The following CSGALNACT2 variants were observed in gnomAD, a reference collection of about 807,000 sequenced individuals.
CSGALNACT2 encodes the protein chondroitin sulfate N-acetylgalactosaminyltransferase 2.
In CSGALNACT2, 35 loss-of-function variants were observed where a neutral mutation model predicts 55.3. That is an observed-to-expected ratio of 0.63 (90% CI 0.48 to 0.84). The LOEUF (loss-of-function observed/expected upper bound fraction) is 0.84, where lower values mean the gene tolerates loss of function less well. CSGALNACT2 is among the 40% of genes least tolerant of loss of function. The pLI, the probability that CSGALNACT2 is intolerant of heterozygous loss-of-function variation, is 0.00. For synonymous variants in CSGALNACT2, 196 were observed against 224.9 expected, an observed-to-expected ratio of 0.87 and a Z score of 1.15; for missense variants, 544 against 657.5, an observed-to-expected ratio of 0.83 and a Z score of 1.89.
chr10:43,154,647 A>G (rs1426838702), intron 1 of CSGALNACT2, among the ~76,000 whole-genome samples: 2 of 152,134 alleles, frequency 1.3e-5, no homozygotes, highest in Non-Finnish European at 2.9e-5. Context: ...GGATCACTTG[A>G]ACCCAGGAGG....
chr10:43,173,495 ACTTTC>A (rs1839421449), intron 6 of CSGALNACT2, among the ~76,000 whole-genome samples: 1 of 152,206 alleles, frequency 6.6e-6, no homozygotes, highest in Non-Finnish European at 1.5e-5. Context: ...GTTTCCTTCT[ACTTTC>A]CTTTGTGAAA....
chr10:43,151,611 C>T (rs1838875736), intron 1 of CSGALNACT2, among the ~76,000 whole-genome samples: 1 of 152,120 alleles, frequency 6.6e-6, no homozygotes, highest in Non-Finnish European at 1.5e-5. Context: ...AGTGCTCTGC[C>T]AAATACCCAT....
intron 1 of CSGALNACT2, among the ~76,000 whole-genome samples, chr10:43,144,940 T>C (rs1838711081): frequency 6.6e-6 from 1 of 152,168 alleles, no homozygotes; most frequent in African/African-American, 2.4e-5. Context: ...TTACTCAGAG[T>C]AATTGTTGAT....
chr10:43,161,536 A>G (rs911609466), intron 4 of CSGALNACT2, among the ~76,000 whole-genome samples: 2 of 152,144 alleles, frequency 1.3e-5, no homozygotes, highest in African/African-American at 2.4e-5. Flanking sequence ...TTCCAGGTAC[A>G]CTGCTTGGGA....
chr10:43,171,183 G>A (rs1264412737), intron 6 of CSGALNACT2, among the ~76,000 whole-genome samples: 1 of 152,140 alleles, frequency 6.6e-6, no homozygotes, highest in Non-Finnish European at 1.5e-5. Context: ...ATTAGGGGAA[G>A]CTAAAACTGG....
chr10:43,141,414 A>G (rs183060485), intron 1 of CSGALNACT2, among the ~76,000 whole-genome samples: 6,641 of 151,266 alleles, frequency 0.044, 180 homozygotes, highest in South Asian at 0.089. Flanking sequence ...GACGGGTTTC[A>G]CCATGTTAGC....
At chr10:43,143,353 C>T (rs78281193) in intron 1 of CSGALNACT2, among the ~76,000 whole-genome samples, 2 of 152,094 alleles carry the variant, frequency 1.3e-5, no homozygotes, top group African/African-American at 4.8e-5. Context: ...TTTGCTGTTA[C>T]GTGTAACACT....
rs77001071 is a variant in CSGALNACT2, at chr10:43,148,250, A to G, written c.-253-6647A>G. On this transcript the variant is annotated intron_variant, in intron 1 of 7. Coordinates refer to ENST00000374466, the MANE Select transcript of CSGALNACT2 (RefSeq NM_018590.5). ...GGCTTTAAGTTCCATTCCATTGACTATATGTCTATTTCTATGCCATACCAC... is the reference window on the plus strand; with the variant it reads ...GGCTTTAAGTTCCATTCCATTGACTGTATGTCTATTTCTATGCCATACCAC... 8.4e-3 allele frequency among the ~76,000 whole-genome samples: 1,286 copies of G among 152,302 alleles called. 53 individuals carry two copies. In the East Asian group the frequency reaches 0.097, roughly 11 times the overall value.
chr10:43,185,188 CTGT>C lies in CSGALNACT2; in HGVS notation c.*1651_*1653del, dbSNP rs989966674. On this transcript the variant is annotated 3_prime_UTR_variant, in exon 8 of 8. Coordinates refer to ENST00000374466, the MANE Select transcript of CSGALNACT2 (RefSeq NM_018590.5). The stretch of plus-strand genomic sequence containing the variant: ...GAATCAAATGAGTTTACTTTTGTTC[CTGT>C]TGTTTTTAACTAGCTTTAAGTTTAA... 6.6e-6 allele frequency: 1 copy of C among 152,010 alleles called. No individual in the cohort carries two copies. Among genetic ancestry groups the C allele is most frequent in the African/African-American group, 2.4e-5 (1 of 41,400 alleles). 9.4% of individuals were successfully genotyped at this position (152,010 alleles called of 1,614,324 possible).
At chr10:43,148,765 T>C (rs1012370466) in intron 1 of CSGALNACT2, among the ~76,000 whole-genome samples, 8 of 152,210 alleles carry the variant, frequency 5.3e-5, no homozygotes, top group Non-Finnish European at 1.2e-4. Flanking sequence ...CATTTATTAG[T>C]TATAATAGAT....
intron 5 of CSGALNACT2, among the ~76,000 whole-genome samples, chr10:43,165,136 A>G (rs991974038): frequency 2.0e-5 from 3 of 152,072 alleles, no homozygotes; most frequent in Non-Finnish European, 4.4e-5. Context: ...GAGGCAGGAG[A>G]ATGGCGTGAG....
At chr10:43,171,009 A>T (rs977706989) in intron 6 of CSGALNACT2, among the ~76,000 whole-genome samples, 1 of 152,204 alleles carries the variant, frequency 6.6e-6, no homozygotes, top group Non-Finnish European at 1.5e-5. Flanking sequence ...CATGACAACC[A>T]AATGCAATGT....
In CSGALNACT2 at chr10:43,155,740, T is replaced by C. The variant is rs764359099; in HGVS notation, c.591T>C (p.Asp197=). The C allele has an allele frequency of 4.3e-6, 7 of 1,614,122 alleles. No individual in the cohort carries two copies. The Admixed American group carries it at 1.2e-4, about 27-fold the overall frequency. The change falls in exon 2 of 8, where the codon GAT becomes GAC. Residue 197 remains aspartate, a synonymous_variant. Transcript: ENST00000374466. ...GLEVINNPDE[D]DEQEDEEGPL... ...AGGTCATTAATAATCCTGATGAAGA[T>C]GATGAACAAGAAGATGAGGAGGGTC...
intron 3 of CSGALNACT2, 52 bp from the exon 4 acceptor site, chr10:43,160,442 G>T: frequency 1.1e-6 from 1 of 911,282 alleles, no homozygotes; most frequent in South Asian, 1.4e-5. Context: ...CTTTCTTAAT[G>T]AATAGTGCCT....
chr10:43,183,418 G>A lies in CSGALNACT2; in HGVS notation c.1505G>A (p.Cys502Tyr). Reference protein sequence around the residue: ...DELTPEQYRMCIQSKAMNEAS... With the variant: ...DELTPEQYRMYIQSKAMNEAS... ...CTGACCCCCGAGCAGTACCGCATGT[G>A]CATCCAGTCTAAAGCCATGAATGAG... The change falls in exon 8 of 8, where the codon TGC becomes TAC. Residue 502 changes from cysteine (C) to tyrosine (Y), a missense_variant. Coordinates refer to ENST00000374466, the MANE Select transcript of CSGALNACT2 (RefSeq NM_018590.5). The A allele has an allele frequency of 6.2e-7, 1 of 1,614,186 alleles. No homozygotes were observed. Among genetic ancestry groups the A allele is most frequent in the Non-Finnish European group, 8.5e-7 (1 of 1,180,040 alleles).
At chr10:43,162,955 A>C (rs1839184088) in intron 4 of CSGALNACT2, 1 of 985,074 alleles carries the variant, frequency 1.0e-6, no homozygotes, top group Non-Finnish European at 1.2e-6. Flanking sequence ...CATGGGAGGT[A>C]CTCTTCACTC....
chr10:43,183,824 T>A lies in CSGALNACT2; in HGVS notation c.*282T>A, dbSNP rs1162235541. 2.6e-5 allele frequency: 11 copies of A among 424,390 alleles called. No homozygotes were observed. Among genetic ancestry groups the A allele is most frequent in the Non-Finnish European group, 4.8e-5 (11 of 227,944 alleles). 26.3% of individuals were successfully genotyped at this position (424,390 alleles called of 1,614,324 possible). A position where few individuals can be genotyped will look rare whatever the true frequency, so the allele number is the denominator to read the frequency against. On this transcript the variant is annotated 3_prime_UTR_variant, in exon 8 of 8. Transcript: ENST00000374466. ...GAGTTAGTTCTACCTGGTGCCCATG[T>A]TCTGATTGTGTGTGGGATTGCATGG...
chr10:43,163,950 T>G lies in CSGALNACT2; in HGVS notation c.1065T>G (p.Ala355=). 6.2e-7 allele frequency: 1 copy of G among 1,614,174 alleles called. No homozygotes were observed. The part of the protein sequence containing the change: ...RGRGLNVGAR[A]WDKGEVLMFF... ...GAGGACTAAATGTGGGTGCCCGAGCTTGGGACAAGGGAGAGGTCTTGATGT... is the reference window on the plus strand; with the variant it reads ...GAGGACTAAATGTGGGTGCCCGAGCGTGGGACAAGGGAGAGGTCTTGATGT... The change falls in exon 5 of 8, where the codon GCT becomes GCG. Residue 355 remains alanine, a synonymous_variant. Coordinates refer to ENST00000374466, the MANE Select transcript of CSGALNACT2 (RefSeq NM_018590.5).
chr10:43,158,668 GT>G (rs752155430), intron 2 of CSGALNACT2, 46 bp from the exon 3 acceptor site: 14 of 1,123,850 alleles, frequency 1.2e-5, no homozygotes, highest in Admixed American at 1.9e-5. Flanking sequence ...CATTGAATTT[GT>G]AAACTTTGAC....
Sources: gnomAD v4.1 joint callset for allele counts (sites outside exome capture counted in the v4.1 genomes callset) on GRCh38, gnomAD v4.1.1 for gene constraint, MANE v1.5 for transcripts, NCBI Gene and HGNC (gene_info 2026-07-23, HGNC 2026-07-21) for gene names.